Variants in GALNS observed in about 807,000 individuals in gnomAD.
The protein encoded by GALNS is galactosamine (N-acetyl)-6-sulfatase, also known as N-acetylgalactosamine-6-sulfatase.
A neutral mutation model predicts 65.9 loss-of-function variants in GALNS; 65 were observed. That is an observed-to-expected ratio of 0.99 (90% CI 0.81 to 1.21). The LOEUF (loss-of-function observed/expected upper bound fraction) is 1.21, where lower values mean the gene tolerates loss of function less well. Among genes scored for constraint, GALNS ranks in the 50% most tolerant of loss-of-function variants. The probability of loss-of-function intolerance (pLI) is 0.00; values close to 1 mark genes in which losing one functional copy is unlikely to be tolerated. For synonymous variants in GALNS, 346 were observed against 288.9 expected (o/e 1.20, Z -2.00); for missense variants, 776 against 700.7 (o/e 1.11, Z -1.21).
chr16:88,844,486 G>C (rs1171976339), intron 1 of GALNS: 1 of 152,308 alleles, frequency 6.6e-6, no homozygotes, highest in Non-Finnish European at 1.5e-5. Context: ...CCTGGTAGAA[G>C]CCAACACTCC....
At chr16:88,855,689 T>A (rs1238636537) in intron 1 of GALNS, 1 of 594,360 alleles carries the variant, frequency 1.7e-6, no homozygotes, top group Non-Finnish European at 3.0e-6. Flanking sequence ...TTTTACATTA[T>A]TTTTCTTTCA....
chr16:88,841,651 G>T (rs1321259168), intron 3 of GALNS, among the ~76,000 whole-genome samples: 2 of 152,206 alleles, frequency 1.3e-5, no homozygotes, highest in African/African-American at 4.8e-5. Flanking sequence ...GAGCTTCTGG[G>T]GTGGGGGTGC....
intron 1 of GALNS, 73 bp downstream of exon 1, chr16:88,856,685 C>T: frequency 1.8e-6 from 1 of 570,290 alleles, no homozygotes; most frequent in South Asian, 1.9e-5. Flanking sequence ...TCCCCCACCT[C>T]GCTCCTCCCT....
intron 13 of GALNS, chr16:88,817,220 T>C: frequency 1.0e-6 from 1 of 982,502 alleles, no homozygotes; most frequent in Non-Finnish European, 1.2e-6. Flanking sequence ...TGAGAGGCCC[T>C]GACTGCTGCG....
rs1478665723 is a variant in GALNS at position 88,842,715 on chromosome 16, A to G, written c.235T>C (p.Cys79Arg). The change falls in exon 2 of 14, where the codon TGC (cysteine) becomes CGC (arginine). Residue 79 changes from cysteine to arginine, a missense_variant. Transcript: ENST00000268695. ...FPNFYSANPL[C>R]SPSRAALLTG... ...GGCCCCGCTGACTTACATGGCGAGC[A>G]CAGAGGGTTGGCAGAATAGAAGTTT... 5 of 1,612,874 alleles carry G rather than the reference A, an allele frequency of 3.1e-6. No homozygotes were observed. The South Asian group carries it at 3.3e-5, about 11-fold the overall frequency.
intron 12 of GALNS, among the ~76,000 whole-genome samples, chr16:88,818,907 C>A (rs1162692225): frequency 6.6e-6 from 1 of 152,170 alleles, no homozygotes; most frequent in Non-Finnish European, 1.5e-5. Flanking sequence ...TGCGTTGCTG[C>A]TGGTGGGGAC....
intron 8 of GALNS, among the ~76,000 whole-genome samples, chr16:88,834,264 C>CG (rs1911829437): frequency 6.6e-6 from 1 of 152,196 alleles, no homozygotes; most frequent in South Asian, 2.1e-4. Flanking sequence ...CCCCAATCCC[C>CG]GCAGCACACT....
intron 1 of GALNS, 32 bp from the exon 2 acceptor site, chr16:88,842,861 G>T (rs1345571537): frequency 6.2e-7 from 1 of 1,610,448 alleles, no homozygotes; most frequent in Middle Eastern, 1.7e-4. Context: ...GGAGGAATGA[G>T]CGCCTTCTGC....
At chr16:88,823,997 G>GT (rs2142993232) in intron 11 of GALNS, among the ~76,000 whole-genome samples, 1 of 152,326 alleles carries the variant, frequency 6.6e-6, no homozygotes, top group East Asian at 1.9e-4. Context: ...TCCAGACACT[G>GT]CCCCACGAGC....
At chr16:88,815,907 G>A in intron 13 of GALNS, 1 of 985,436 alleles carries the variant, frequency 1.0e-6, no homozygotes. Flanking sequence ...CCAGAAGCAG[G>A]GGTCCAGGTG....
At chr16:88,817,619 T>G (rs909491873) in intron 13 of GALNS, among the ~76,000 whole-genome samples, 4 of 152,294 alleles carry the variant, frequency 2.6e-5, no homozygotes, top group Middle Eastern at 3.4e-3. Context: ...ACAGGGCCCC[T>G]GCAAGGAGAA....
At chr16:88,819,695 T>C (rs879152082) in intron 12 of GALNS, among the ~76,000 whole-genome samples, 1 of 151,588 alleles carries the variant, frequency 6.6e-6, no homozygotes, top group Non-Finnish European at 1.5e-5. Context: ...CCTGGCTAAT[T>C]TTAATTATTA....
intron 1 of GALNS, among the ~76,000 whole-genome samples, chr16:88,850,733 G>A (rs981315962): frequency 6.6e-6 from 1 of 152,246 alleles, no homozygotes; most frequent in African/African-American, 2.4e-5. Context: ...CGCTCGGGCT[G>A]CGAGCACAGG....
chr16:88,826,302 G>A (rs1285094309), intron 10 of GALNS, among the ~76,000 whole-genome samples: 1 of 150,996 alleles, frequency 6.6e-6, no homozygotes, highest in Non-Finnish European at 1.5e-5. Context: ...GGCGGACAGG[G>A]GCGGCGTGTG....
chr16:88,835,608 G>A, intron 7 of GALNS, 117 bp downstream of exon 7: 1 of 1,504,142 alleles, frequency 6.6e-7, no homozygotes, highest in Non-Finnish European at 9.2e-7. Context: ...AAGGGGTGGG[G>A]TTGCTCTGGC....
chr16:88,856,655 C>T (rs1381953760), intron 1 of GALNS, 103 bp downstream of exon 1: 4 of 367,862 alleles, frequency 1.1e-5, no homozygotes, highest in South Asian at 6.0e-5. Context: ...CCTCACCTCT[C>T]CCCCCACCCC....
At chr16:88,830,499 C>T (rs1327080094) in intron 9 of GALNS, among the ~76,000 whole-genome samples, 2 of 152,200 alleles carry the variant, frequency 1.3e-5, no homozygotes, top group South Asian at 2.1e-4. Flanking sequence ...CCCCCATCCT[C>T]GTGGGGCCAC....
chr16:88,818,283 C>G lies in GALNS; in HGVS notation c.1365-159G>C, dbSNP rs917288602. Among the ~76,000 whole-genome samples, 4 of 152,172 alleles carry G rather than the reference C, an allele frequency of 2.6e-5. No individual in the cohort carries two copies. In the East Asian group the frequency reaches 7.7e-4, roughly 29 times the overall value. ...TCAAGCCTGCAGCGGCCCCGGGCCT[C>G]GCTAGGACAGGCAGCAGGCACCCGA... is the stretch of plus-strand genomic sequence containing the variant. On this transcript the variant is annotated intron_variant, in intron 12 of 13. Coordinates refer to ENST00000268695, the MANE Select transcript of GALNS (RefSeq NM_000512.5).
At chr16:88,820,583 C>T (rs896569397) in intron 12 of GALNS, among the ~76,000 whole-genome samples, 11 of 152,230 alleles carry the variant, frequency 7.2e-5, no homozygotes, top group Non-Finnish European at 1.3e-4. Flanking sequence ...CTTGTGACCC[C>T]CTCTGGGAAG....
Sources: allele counts gnomAD v4.1 joint callset (sites outside exome capture counted in the v4.1 genomes callset), GRCh38; gene constraint gnomAD v4.1.1; transcripts MANE v1.5; gene names NCBI Gene and HGNC (gene_info 2026-07-23, HGNC 2026-07-21).